The following KCNH8 variants were observed in gnomAD, a reference collection of about 807,000 sequenced individuals.
The protein encoded by KCNH8 is potassium voltage-gated channel subfamily H member 8.
In KCNH8, 70 loss-of-function variants were observed where a neutral mutation model predicts 103.6. The observed-to-expected ratio is 0.68, with a 90% CI of 0.56 to 0.82. KCNH8 has a LOEUF of 0.82. KCNH8 is among the 40% of genes least tolerant of loss of function. The probability of loss-of-function intolerance (pLI) is 0.00; values close to 1 mark genes in which losing one functional copy is unlikely to be tolerated. For missense variants in KCNH8, 1,217 were observed against 1,329.9 expected (o/e 0.92, Z 1.32); for synonymous variants, 498 against 489.4 (o/e 1.02, Z -0.23).
intron 11 of KCNH8, among the ~76,000 whole-genome samples, chr3:19,486,716 C>T (rs964289889): frequency 1.3e-5 from 2 of 152,120 alleles, no homozygotes. Flanking sequence ...TAAAAGTTAC[C>T]GGTCGCCCCC....
chr3:19,488,571 C>A (rs2068258199), intron 11 of KCNH8, among the ~76,000 whole-genome samples: 1 of 152,186 alleles, frequency 6.6e-6, no homozygotes, highest in South Asian at 2.1e-4. Context: ...CACAGTCTTT[C>A]ATAGAATTGT....
At chr3:19,279,768 G>A (rs2064732323) in intron 2 of KCNH8, among the ~76,000 whole-genome samples, 1 of 152,048 alleles carries the variant, frequency 6.6e-6, no homozygotes, top group Non-Finnish European at 1.5e-5. Flanking sequence ...ATATAAATTA[G>A]TGGCTTCACC....
At chr3:19,531,759 C>T (rs1211223755) in intron 15 of KCNH8, among the ~76,000 whole-genome samples, 1 of 152,170 alleles carries the variant, frequency 6.6e-6, no homozygotes, top group Non-Finnish European at 1.5e-5. Context: ...GGAATATGTA[C>T]TTAAATGTTG....
chr3:19,151,484 C>T (rs2063129472), intron 1 of KCNH8, among the ~76,000 whole-genome samples: 1 of 152,014 alleles, frequency 6.6e-6, no homozygotes, highest in Non-Finnish European at 1.5e-5. Flanking sequence ...AACAACAACC[C>T]TGGCAAACTG....
At chr3:19,379,654 AAG>A (rs1472680188) in intron 5 of KCNH8, among the ~76,000 whole-genome samples, 1 of 152,134 alleles carries the variant, frequency 6.6e-6, no homozygotes, top group Non-Finnish European at 1.5e-5. Context: ...AAAAAGAAAA[AAG>A]AAAATAACAT....
At chr3:19,439,428 G>A (rs934168386) in intron 8 of KCNH8, among the ~76,000 whole-genome samples, 18 of 152,142 alleles carry the variant, frequency 1.2e-4, no homozygotes, top group African/African-American at 3.9e-4. Context: ...GATGGCAAAC[G>A]TGAGGAGAGA....
intron 3 of KCNH8, among the ~76,000 whole-genome samples, chr3:19,319,358 C>A (rs1019122990): frequency 2.6e-5 from 4 of 151,764 alleles, no homozygotes; most frequent in Non-Finnish European, 5.9e-5. Flanking sequence ...AACAGAAGAG[C>A]ATCCAGTTTC....
intron 2 of KCNH8, among the ~76,000 whole-genome samples, chr3:19,271,400 C>A (rs555068985): frequency 6.6e-6 from 1 of 152,210 alleles, no homozygotes; most frequent in East Asian, 1.9e-4. Context: ...ACACTGAATT[C>A]TCCATTTTTA....
At chr3:19,372,285 C>T (rs2066111516) in intron 5 of KCNH8, among the ~76,000 whole-genome samples, 1 of 151,030 alleles carries the variant, frequency 6.6e-6, no homozygotes, top group South Asian at 2.1e-4. Context: ...TCTTTTATTT[C>T]CTTGAGCACT....
At chr3:19,162,115 C>A (rs571841897) in intron 1 of KCNH8, among the ~76,000 whole-genome samples, 32 of 152,018 alleles carry the variant, frequency 2.1e-4, no homozygotes, top group African/African-American at 7.2e-4. Flanking sequence ...AATATTTAAC[C>A]AAGGTTTGTA....
At chr3:19,324,928 T>C (rs1215912458) in intron 3 of KCNH8, among the ~76,000 whole-genome samples, 1 of 152,154 alleles carries the variant, frequency 6.6e-6, no homozygotes, top group African/African-American at 2.4e-5. Context: ...GGCTACCTGA[T>C]TTCAAACTGT....
rs147459859 is a variant in KCNH8 at position 19,518,238 on chromosome 3, A to G, written c.2619+164A>G. On this transcript the variant is annotated intron_variant, in intron 15 of 15. Transcript: ENST00000328405. ...TCATGTAAGTTGTGTGATCTCTGAC[A>G]AGTCACTTACCTTCTCTCAAGCTCC... Among the ~76,000 whole-genome samples the G allele has an allele frequency of 8.6e-3, 1,316 of 152,166 alleles. 10 individuals carry two copies. Among genetic ancestry groups the G allele is most frequent in the South Asian group, 0.02 (95 of 4,818 alleles).
chr3:19,522,146 A>G (rs1332838186), intron 15 of KCNH8, among the ~76,000 whole-genome samples: 2 of 151,912 alleles, frequency 1.3e-5, no homozygotes, highest in African/African-American at 2.4e-5. Flanking sequence ...TACTATGGAG[A>G]ATAAAATGTG....
In KCNH8 at chr3:19,282,709, G is replaced by A. The variant is rs549913831; in HGVS notation, c.442+1380G>A. Among the ~76,000 whole-genome samples, 6 of 152,060 alleles carry A rather than the reference G, an allele frequency of 3.9e-5. No homozygotes were observed. The South Asian group carries it at 1.0e-3, about 26-fold the overall frequency. On this transcript the variant is annotated intron_variant, in intron 3 of 15. Coordinates refer to ENST00000328405, the MANE Select transcript of KCNH8 (RefSeq NM_144633.3). ...CTTTGTCTCATGTTCCTTATGTCTC[G>A]TGTTAGGGGAGAAATCCCCATCTTG...
chr3:19,369,902 C>A (rs1253711510), intron 5 of KCNH8, among the ~76,000 whole-genome samples: 2 of 152,022 alleles, frequency 1.3e-5, no homozygotes, highest in African/African-American at 4.8e-5. Context: ...TAGACTACTA[C>A]AATCCTTGAC....
chr3:19,494,888 A>C (rs1018077296), intron 11 of KCNH8, among the ~76,000 whole-genome samples: 1 of 152,136 alleles, frequency 6.6e-6, no homozygotes, highest in Non-Finnish European at 1.5e-5. Flanking sequence ...AATAATGGCC[A>C]TTCTGACTGC....
At chr3:19,264,198 G>A (rs1183247889) in intron 2 of KCNH8, among the ~76,000 whole-genome samples, 1 of 152,068 alleles carries the variant, frequency 6.6e-6, no homozygotes, top group African/African-American at 2.4e-5. Flanking sequence ...TCTCACAAAT[G>A]CATTTATGGA....
intron 15 of KCNH8, among the ~76,000 whole-genome samples, chr3:19,524,371 C>T (rs1230710730): frequency 4.0e-5 from 6 of 151,862 alleles, no homozygotes; most frequent in Non-Finnish European, 5.9e-5. Context: ...GCAAAACCAA[C>T]GGTTTTTCTT....
chr3:19,512,229 T>TCA (rs1412652210), intron 12 of KCNH8, among the ~76,000 whole-genome samples: 1 of 151,896 alleles, frequency 6.6e-6, no homozygotes, highest in African/African-American at 2.4e-5. Context: ...CATCATCACC[T>TCA]CAATTGTCTT....
Sources: allele counts gnomAD v4.1 joint callset (sites outside exome capture counted in the v4.1 genomes callset), GRCh38; gene constraint gnomAD v4.1.1; transcripts MANE v1.5; gene names NCBI Gene and HGNC (gene_info 2026-07-23, HGNC 2026-07-21).